The following ST7 variants were observed in gnomAD, a reference collection of about 807,000 sequenced individuals.
The protein encoded by ST7 is suppression of tumorigenicity 7.
In ST7, 28 loss-of-function variants were observed where a neutral mutation model predicts 78.7. That is an observed-to-expected ratio of 0.36 (90% CI 0.26 to 0.49). The LOEUF (loss-of-function observed/expected upper bound fraction) is 0.49. Ranked by LOEUF, ST7 falls within the 20% of genes least tolerant of loss-of-function variation. ST7 has a pLI of 0.99. For missense variants in ST7, 418 were observed against 696.0 expected, an observed-to-expected ratio of 0.60 and a Z score of 4.49; for synonymous variants, 247 against 249.6, an observed-to-expected ratio of 0.99 and a Z score of 0.10.
chr7:117,064,825 G>A (rs1798545474), intron 1 of ST7, among the ~76,000 whole-genome samples: 1 of 152,216 alleles, frequency 6.6e-6, no homozygotes, highest in African/African-American at 2.4e-5. Flanking sequence ...TTCCCGGGAA[G>A]TGCGTGCCAT....
At chr7:117,179,260 A>AT (rs1399207899) in intron 10 of ST7, among the ~76,000 whole-genome samples, 1 of 152,254 alleles carries the variant, frequency 6.6e-6, no homozygotes, top group Non-Finnish European at 1.5e-5. Context: ...GGAAGCTAAT[A>AT]TCAAGATATT....
intron 1 of ST7, chr7:116,959,320 G>T: frequency 2.1e-6 from 1 of 466,686 alleles, no homozygotes; most frequent in Non-Finnish European, 4.4e-6. Flanking sequence ...TTTATGGCAT[G>T]CCTGCAGTTA....
At chr7:117,006,061 G>A (rs976970793) in intron 1 of ST7, among the ~76,000 whole-genome samples, 1 of 152,188 alleles carries the variant, frequency 6.6e-6, no homozygotes, top group Non-Finnish European at 1.5e-5. Flanking sequence ...TGTGAAAACT[G>A]AGGCACAGAG....
intron 1 of ST7, among the ~76,000 whole-genome samples, chr7:117,037,715 C>A (rs978751693): frequency 6.6e-6 from 1 of 152,130 alleles, no homozygotes; most frequent in Non-Finnish European, 1.5e-5. Context: ...GATTATATGG[C>A]AAATAGCATC....
rs574462609 is a variant in ST7 at position 117,220,016 on chromosome 7, C to T, written c.1498+840C>T. 1.3e-4 allele frequency among the ~76,000 whole-genome samples: 20 copies of T among 152,322 alleles called. No homozygotes were observed. The South Asian group carries it at 3.9e-3, about 30-fold the overall frequency. ...ATAAGCTCCAAATTTTAGCTCTTCT[C>T]CCTTCTCTGTCCTCTCTCCTGCCAT... On this transcript the variant is annotated intron_variant, in intron 14 of 15. Coordinates refer to ENST00000323984, the MANE Select transcript of ST7 (RefSeq NM_001369598.1).
chr7:117,085,977 G>A (rs1049712893), intron 1 of ST7, among the ~76,000 whole-genome samples: 4 of 152,090 alleles, frequency 2.6e-5, no homozygotes, highest in East Asian at 1.9e-4. Flanking sequence ...AGAATTTTAA[G>A]CCTAGCTAGT....
chr7:117,212,581 C>G (rs1327004328), intron 13 of ST7, among the ~76,000 whole-genome samples: 1 of 151,870 alleles, frequency 6.6e-6, no homozygotes, highest in Non-Finnish European at 1.5e-5. Context: ...TTTTAAATAT[C>G]GAATGAGACC....
chr7:117,134,073 A>T lies in ST7; in HGVS notation c.642-51A>T, dbSNP rs1333105852. 6 of 1,604,962 alleles carry T rather than the reference A, an allele frequency of 3.7e-6. No homozygotes were observed. The Admixed American group carries it at 5.0e-5, about 13-fold the overall frequency. On this transcript the variant is annotated intron_variant, in intron 6 of 15. Transcript: ENST00000323984. ...CGAAATGACATAGTGACTCTCTCTGAATGTTCCTATCAATTTTCATTTTAC... is the reference window on the plus strand; with the variant it reads ...CGAAATGACATAGTGACTCTCTCTGTATGTTCCTATCAATTTTCATTTTAC...
intron 1 of ST7, among the ~76,000 whole-genome samples, chr7:116,990,724 A>T (rs933017670): frequency 2.6e-5 from 4 of 152,130 alleles, no homozygotes; most frequent in Admixed American, 2.6e-4. Flanking sequence ...TTCCATACCC[A>T]TCTATATACC....
intron 10 of ST7, among the ~76,000 whole-genome samples, chr7:117,179,136 A>C (rs1808556139): frequency 6.6e-6 from 1 of 152,216 alleles, no homozygotes; most frequent in Non-Finnish European, 1.5e-5. Context: ...AGCAAAGATA[A>C]ATGCAGTACA....
At chr7:117,104,543 C>T (rs1175521066) in intron 2 of ST7, among the ~76,000 whole-genome samples, 1 of 152,134 alleles carries the variant, frequency 6.6e-6, no homozygotes, top group African/African-American at 2.4e-5. Flanking sequence ...TTAGTACAGC[C>T]ACTATGGAAA....
chr7:117,120,548 C>T (rs1803284941), intron 3 of ST7, among the ~76,000 whole-genome samples: 1 of 152,172 alleles, frequency 6.6e-6, no homozygotes, highest in Non-Finnish European at 1.5e-5. Flanking sequence ...TCACATGAAG[C>T]CAGTTTTTAT....
chr7:117,120,292 G>T (rs1207581730), intron 3 of ST7, among the ~76,000 whole-genome samples: 1 of 151,968 alleles, frequency 6.6e-6, no homozygotes, highest in East Asian at 1.9e-4. Flanking sequence ...CCAACCTGAT[G>T]CTATAGCTTC....
At chr7:117,188,562 A>G (rs918262876) in intron 10 of ST7, among the ~76,000 whole-genome samples, 2 of 152,156 alleles carry the variant, frequency 1.3e-5, no homozygotes, top group African/African-American at 4.8e-5. Context: ...ACTTTCCTGT[A>G]AACTCATTAT....
At chr7:117,222,822 G>T in intron 15 of ST7, 1 of 1,495,214 alleles carries the variant, frequency 6.7e-7, no homozygotes, top group South Asian at 1.1e-5. Context: ...CAGAAAGGAT[G>T]ATTTCTAACT....
At chr7:117,026,190 A>C (rs921991731) in intron 1 of ST7, among the ~76,000 whole-genome samples, 4 of 152,254 alleles carry the variant, frequency 2.6e-5, no homozygotes, top group African/African-American at 9.6e-5. Flanking sequence ...CTGAGCTGGA[A>C]AAGTCATTGA....
intron 9 of ST7, among the ~76,000 whole-genome samples, chr7:117,157,314 A>G (rs975129936): frequency 4.6e-5 from 7 of 152,216 alleles, no homozygotes; most frequent in African/African-American, 9.6e-5. Context: ...CAAAAGAAGC[A>G]GTGAACTCAG....
chr7:116,963,506 C>A (rs369155541), intron 1 of ST7, among the ~76,000 whole-genome samples: 1 of 152,158 alleles, frequency 6.6e-6, no homozygotes, highest in African/African-American at 2.4e-5. Context: ...ATTGCAGTTA[C>A]CAAATCTCTC....
At chr7:117,080,201 C>T (rs1361429338) in intron 1 of ST7, among the ~76,000 whole-genome samples, 2 of 151,744 alleles carry the variant, frequency 1.3e-5, no homozygotes, top group Admixed American at 1.3e-4. Context: ...AGGATGGTCT[C>T]GATCTCCTGA....
Sources: allele counts gnomAD v4.1 joint callset (sites outside exome capture counted in the v4.1 genomes callset), GRCh38; gene constraint gnomAD v4.1.1; transcripts MANE v1.5; gene names NCBI Gene and HGNC (gene_info 2026-07-23, HGNC 2026-07-21).